Variants in CSMD1 observed in about 807,000 individuals in gnomAD.
CSMD1 encodes CUB and Sushi multiple domains 1, also known as CUB and sushi domain-containing protein 1.
CSMD1 carries 213 observed loss-of-function variants against 417.5 expected under a neutral mutation model. That is an observed-to-expected ratio of 0.51 (90% CI 0.46 to 0.57). The LOEUF (loss-of-function observed/expected upper bound fraction) is 0.57. CSMD1 is among the 20% of genes least tolerant of loss of function. The pLI is 0.00. For missense variants in CSMD1, 6,923 were observed against 4,529.7 expected (o/e 1.53, Z -15.17); for synonymous variants, 2,862 against 1,736.8 (o/e 1.65, Z -16.11).
intron 54 of CSMD1, among the ~76,000 whole-genome samples, chr8:2,991,348 A>T (rs929803630): frequency 6.6e-6 from 1 of 152,264 alleles, no homozygotes; most frequent in Non-Finnish European, 1.5e-5. Flanking sequence ...ATATACATCT[A>T]CGAATGAAAC....
intron 5 of CSMD1, among the ~76,000 whole-genome samples, chr8:3,820,746 T>C (rs543522850): frequency 1.9e-3 from 287 of 152,084 alleles, no homozygotes; most frequent in Non-Finnish European, 3.0e-3. Context: ...TGGCAAATTG[T>C]TGTATTTTTT....
chr8:3,972,884 C>T (rs1413187070), intron 5 of CSMD1, among the ~76,000 whole-genome samples: 1 of 151,970 alleles, frequency 6.6e-6, no homozygotes, highest in African/African-American at 2.4e-5. Context: ...AAATAAAAAC[C>T]ATCAAAATGT....
chr8:4,322,611 A>G (rs1222121882), intron 3 of CSMD1, among the ~76,000 whole-genome samples: 1 of 152,222 alleles, frequency 6.6e-6, no homozygotes, highest in Non-Finnish European at 1.5e-5. Context: ...TTGTAGAAGC[A>G]GAAAAATGCT....
At chr8:4,105,500 G>A (rs1371460572) in intron 3 of CSMD1, among the ~76,000 whole-genome samples, 1 of 152,156 alleles carries the variant, frequency 6.6e-6, no homozygotes, top group Non-Finnish European at 1.5e-5. Context: ...TCCAGAGATG[G>A]TTCTAGGCTT....
At chr8:3,547,493 G>T (rs1234757738) in intron 10 of CSMD1, among the ~76,000 whole-genome samples, 1 of 152,106 alleles carries the variant, frequency 6.6e-6, no homozygotes, top group South Asian at 2.1e-4. Context: ...CAACTTCTGA[G>T]CATATATTTA....
At chr8:4,442,603 A>G (rs923232752) in intron 2 of CSMD1, among the ~76,000 whole-genome samples, 1 of 152,216 alleles carries the variant, frequency 6.6e-6, no homozygotes, top group Non-Finnish European at 1.5e-5. Flanking sequence ...CAAATTGGCT[A>G]GAAAAACAGA....
chr8:4,308,313 G>T (rs770453185), intron 3 of CSMD1, among the ~76,000 whole-genome samples: 1 of 151,868 alleles, frequency 6.6e-6, no homozygotes, highest in African/African-American at 2.4e-5. Flanking sequence ...GTGTATGTGT[G>T]GGGTGGTGTA....
intron 17 of CSMD1, among the ~76,000 whole-genome samples, chr8:3,389,341 C>A (rs1811207610): frequency 6.6e-6 from 1 of 152,080 alleles, no homozygotes; most frequent in South Asian, 2.1e-4. Context: ...TCATTTAGCT[C>A]CCACTTATAA....
chr8:3,301,776 G>A (rs1223460027), intron 25 of CSMD1, among the ~76,000 whole-genome samples: 3 of 152,124 alleles, frequency 2.0e-5, no homozygotes, highest in African/African-American at 7.2e-5. Context: ...CGTACAGTGA[G>A]GGTATTTGAG....
intron 27 of CSMD1, among the ~76,000 whole-genome samples, chr8:3,225,576 G>C (rs17079660): frequency 0.099 from 15,039 of 152,086 alleles, 1,022 homozygotes; most frequent in African/African-American, 0.19. Context: ...AGATTCTACT[G>C]CACACAGGTT....
intron 2 of CSMD1, among the ~76,000 whole-genome samples, chr8:4,484,920 C>T (rs1801290034): frequency 1.5e-5 from 2 of 131,768 alleles, no homozygotes; most frequent in African/African-American, 5.8e-5. Context: ...TTGCAGTGAG[C>T]CGAGATCGTG....
chr8:4,047,414 A>C (rs1798203232), intron 3 of CSMD1, among the ~76,000 whole-genome samples: 1 of 152,214 alleles, frequency 6.6e-6, no homozygotes, highest in Non-Finnish European at 1.5e-5. Context: ...CGGAAAAAAT[A>C]AATTGAAATT....
Position 4,175,607 on chromosome 8 carries a change from G to A in CSMD1, c.416-143508C>T, listed in dbSNP as rs545776220. On this transcript the variant is annotated intron_variant, in intron 3 of 69. Transcript: ENST00000635120. The stretch of plus-strand genomic sequence containing the variant: ...AGGAGAGTAAATATACAATGATCAC[G>A]CAATTATCACAGCATAATTTGTGAT... Among the ~76,000 whole-genome samples the A allele has an allele frequency of 5.5e-4, 83 of 152,152 alleles. 1 individual carries two copies. The highest frequency in any genetic ancestry group is 7.9e-4 in the Non-Finnish European group (54 of 68,012).
At chr8:3,274,569 C>T (rs528298528) in intron 26 of CSMD1, among the ~76,000 whole-genome samples, 15 of 152,138 alleles carry the variant, frequency 9.9e-5, no homozygotes, top group African/African-American at 3.4e-4. Context: ...GTCTAAGTCT[C>T]TTTGTAGGTC....
chr8:2,959,114 A>G (rs554523396), intron 62 of CSMD1, among the ~76,000 whole-genome samples: 1 of 152,210 alleles, frequency 6.6e-6, no homozygotes, highest in East Asian at 1.9e-4. Context: ...TGATCGATTT[A>G]AACTTTAGAG....
intron 2 of CSMD1, among the ~76,000 whole-genome samples, chr8:4,534,323 C>G (rs1200867063): frequency 2.0e-5 from 3 of 152,236 alleles, no homozygotes; most frequent in Non-Finnish European, 4.4e-5. Flanking sequence ...TTCTTCCCTA[C>G]TCTCTGGCTT....
At chr8:4,577,980 A>G (rs1799216880) in intron 2 of CSMD1, among the ~76,000 whole-genome samples, 2 of 152,138 alleles carry the variant, frequency 1.3e-5, no homozygotes, top group African/African-American at 4.8e-5. Context: ...TTCTATGTAA[A>G]TTTTGGACTT....
At chr8:3,672,735 G>A (rs1799144390) in intron 7 of CSMD1, among the ~76,000 whole-genome samples, 1 of 152,274 alleles carries the variant, frequency 6.6e-6, no homozygotes, top group Middle Eastern at 3.4e-3. Flanking sequence ...CATGGTGGAT[G>A]TATTTAAACC....
intron 41 of CSMD1, among the ~76,000 whole-genome samples, chr8:3,121,250 T>C (rs925946004): frequency 1.3e-5 from 2 of 152,202 alleles, no homozygotes; most frequent in Non-Finnish European, 2.9e-5. Context: ...GCCCTGACTA[T>C]AGTCAGCAGG....
Sources: gnomAD v4.1 joint callset for allele counts (sites outside exome capture counted in the v4.1 genomes callset) on GRCh38, gnomAD v4.1.1 for gene constraint, MANE v1.5 for transcripts, NCBI Gene and HGNC (gene_info 2026-07-23, HGNC 2026-07-21) for gene names.